POLR1A: variants seen among roughly 807,000 people sequenced by gnomAD.
POLR1A encodes the protein DNA-directed RNA polymerase I subunit RPA1.
Under a neutral mutation model 205.3 loss-of-function variants are expected in POLR1A, and 84 were observed. The observed-to-expected ratio is 0.41, with a 90% CI of 0.34 to 0.49. POLR1A has a LOEUF of 0.49. Ranked by LOEUF, POLR1A falls within the 20% of genes least tolerant of loss-of-function variation. POLR1A has a pLI of 0.22. For synonymous variants in POLR1A, 799 were observed against 863.7 expected, an observed-to-expected ratio of 0.93 and a Z score of 1.31; for missense variants, 1,645 against 2,204.5, an observed-to-expected ratio of 0.75 and a Z score of 5.08.
intron 6 of POLR1A, among the ~76,000 whole-genome samples, chr2:86,087,992 C>A (rs1442803686): frequency 1.3e-5 from 2 of 152,016 alleles, no homozygotes; most frequent in African/African-American, 2.4e-5. Context: ...AGAATAAAAA[C>A]CAAAAAACAT....
intron 14 of POLR1A, 135 bp from the exon 15 acceptor site, chr2:86,054,424 C>A (rs1451130610): frequency 5.0e-6 from 4 of 792,372 alleles, no homozygotes; most frequent in Non-Finnish European, 7.9e-6. Flanking sequence ...TTCTGATGAT[C>A]TCAGGTATGG....
At chr2:86,092,970 A>C (rs920666355) in intron 3 of POLR1A, among the ~76,000 whole-genome samples, 1 of 152,240 alleles carries the variant, frequency 6.6e-6, no homozygotes, top group Non-Finnish European at 1.5e-5. Flanking sequence ...AATATTAAGA[A>C]ATCAAATCCA....
At chr2:86,077,593 T>C (rs1673311484) in intron 11 of POLR1A, among the ~76,000 whole-genome samples, 1 of 152,168 alleles carries the variant, frequency 6.6e-6, no homozygotes, top group African/African-American at 2.4e-5. Flanking sequence ...GTCAGCTCCC[T>C]GGTGCTGACT....
At chr2:86,053,292 G>A (rs1368401791) in intron 15 of POLR1A, among the ~76,000 whole-genome samples, 2 of 151,428 alleles carry the variant, frequency 1.3e-5, no homozygotes, top group African/African-American at 4.9e-5. Flanking sequence ...CTCTCTCCAT[G>A]TGTTTTATAT....
intron 19 of POLR1A, among the ~76,000 whole-genome samples, chr2:86,046,907 T>C (rs1043374688): frequency 6.6e-6 from 1 of 152,224 alleles, no homozygotes; most frequent in Non-Finnish European, 1.5e-5. Flanking sequence ...TTTATCTATA[T>C]AACGTGAATA....
chr2:86,031,592 T>TC lies in POLR1A; in HGVS notation c.4315dup (p.Glu1439GlyfsTer5). On this transcript the variant is annotated frameshift_variant, in exon 30 of 34. Transcript: ENST00000263857. LOFTEE classifies it high-confidence loss of function. ...CTCCTGCATGTCTTCATCGTCGTTC[T>TC]CCTCGCCCTCCCTCTCCTCCTCTTC... The TC allele has an allele frequency of 6.2e-7, 1 of 1,613,598 alleles. No individual in the cohort carries two copies. The highest frequency in any genetic ancestry group is 8.5e-7 in the Non-Finnish European group (1 of 1,179,572).
rs1272423047 is a variant in POLR1A, at chr2:86,032,310, C to A, written c.4234G>T (p.Ala1412Ser). 6.2e-7 allele frequency: 1 copy of A among 1,613,632 alleles called. No individual in the cohort carries two copies. Among genetic ancestry groups the A allele is most frequent in the South Asian group, 1.1e-5 (1 of 91,066 alleles). The change falls in exon 29 of 34, where the codon GCC (alanine) becomes TCC (serine). Residue 1412 changes from alanine (A) to serine (S), a missense_variant. Around this residue, in one of 16 missense-constraint regions of POLR1A, gnomAD observed 394 missense variants for 468.5 expected, o/e 0.84. Coordinates refer to ENST00000263857, the MANE Select transcript of POLR1A (RefSeq NM_015425.6). ...TTCTCCTTGCGTTTGGCATCAGAGG[C>A]ATCGGCGTCCCCCTCCTCAGCTTCA... ...DAEAEEGDAD[A>S]SDAKRKEKQE...
chr2:86,083,228 T>C (rs1673437391), intron 6 of POLR1A, 60 bp from the exon 7 acceptor site: 1 of 1,176,906 alleles, frequency 8.5e-7, no homozygotes, highest in Non-Finnish European at 1.3e-6. Context: ...CTTTCTGCAA[T>C]GGGATTTATC....
chr2:86,100,182 T>G lies in POLR1A; in HGVS notation c.78-10A>C. 6.2e-7 allele frequency: 1 copy of G among 1,605,582 alleles called. No individual in the cohort carries two copies. Among genetic ancestry groups the G allele is most frequent in the Non-Finnish European group, 8.5e-7 (1 of 1,172,202 alleles). ...TTTAACACTTAATTTCCTAAGGGGATAAAAAAGACCAAGAGGAAAGCTAAA... is the reference window on the plus strand; with the variant it reads ...TTTAACACTTAATTTCCTAAGGGGAGAAAAAAGACCAAGAGGAAAGCTAAA... On this transcript the variant is annotated splice_polypyrimidine_tract_variant and intron_variant, in intron 1 of 33. Transcript: ENST00000263857.
At position 86,045,836 on chromosome 2, in the gene POLR1A, C is replaced by A. The variant is rs1672701010; in HGVS notation, c.2734-67G>T. On this transcript the variant is annotated intron_variant, in intron 19 of 33. Coordinates refer to ENST00000263857, the MANE Select transcript of POLR1A (RefSeq NM_015425.6). ...TGTGTTTAACAGTGCTTTGTCCCAG[C>A]AGGGAAAGTATAATCTGACCTTGAA... The A allele has an allele frequency of 3.5e-6, 5 of 1,409,204 alleles. No homozygotes were observed. The South Asian group carries it at 6.2e-5, about 17-fold the overall frequency. The allele number at this position is 1,409,204 out of a possible 1,614,324, so 87.3% of individuals were successfully genotyped here.
At chr2:86,042,937 C>T (rs376626639) in intron 23 of POLR1A, 37 bp downstream of exon 23, 25 of 1,462,224 alleles carry the variant, frequency 1.7e-5, no homozygotes, top group Non-Finnish European at 2.1e-5. Context: ...TAAGCCTGGA[C>T]GTGCTGGACA....
At chr2:86,043,818 C>T (rs1672660486) in intron 22 of POLR1A, among the ~76,000 whole-genome samples, 1 of 152,138 alleles carries the variant, frequency 6.6e-6, no homozygotes, top group Admixed American at 6.6e-5. Context: ...ATGCCTACTT[C>T]CCTGGGTTGC....
At chr2:86,048,030 C>G (rs1217900487) in intron 18 of POLR1A, among the ~76,000 whole-genome samples, 4 of 152,200 alleles carry the variant, frequency 2.6e-5, no homozygotes, top group Admixed American at 1.3e-4. Context: ...AGGAAAGCTC[C>G]TGTCAACAAA....
rs1236246900 is a variant in POLR1A at position 86,021,925 on chromosome 2, A to G, written c.*5498T>C. ...ATCAGGGGGCAGTGTGCACATGCACATGAAGCCTGCTGGGTACCTCAACCC... is the reference window on the plus strand; with the variant it reads ...ATCAGGGGGCAGTGTGCACATGCACGTGAAGCCTGCTGGGTACCTCAACCC... On this transcript the variant is annotated 3_prime_UTR_variant, in exon 34 of 34. Transcript: ENST00000263857. 2 of 152,232 alleles carry G rather than the reference A, an allele frequency of 1.3e-5. No homozygotes were observed. Among genetic ancestry groups the G allele is most frequent in the Admixed American group, 6.5e-5 (1 of 15,286 alleles). 9.4% of individuals were successfully genotyped at this position (152,232 alleles called of 1,614,324 possible). A position where few individuals can be genotyped will look rare whatever the true frequency, so the allele number is the denominator to read the frequency against.
intron 9 of POLR1A, among the ~76,000 whole-genome samples, chr2:86,079,164 T>C (rs1317119864): frequency 6.6e-6 from 1 of 152,192 alleles, no homozygotes; most frequent in African/African-American, 2.4e-5. Context: ...GGGCTTGTCA[T>C]CAAACCTGAG....
At chr2:86,062,567 T>G (rs915927320) in intron 14 of POLR1A, among the ~76,000 whole-genome samples, 2 of 151,524 alleles carry the variant, frequency 1.3e-5, no homozygotes, top group African/African-American at 4.9e-5. Context: ...TAAGCAGAAC[T>G]TAAGGGGGAA....
chr2:86,104,739 GC>G (rs1181205152), intron 1 of POLR1A, among the ~76,000 whole-genome samples: 3 of 152,212 alleles, frequency 2.0e-5, no homozygotes, highest in East Asian at 1.9e-4. Context: ...GAGCCACCGT[GC>G]CCGGCCATGT....
intron 13 of POLR1A, among the ~76,000 whole-genome samples, chr2:86,069,368 C>T (rs151309013): frequency 2.4e-4 from 36 of 152,298 alleles, no homozygotes; most frequent in East Asian, 1.2e-3. Flanking sequence ...CCTCTTTCCC[C>T]GCTCTGTCCC....
chr2:86,105,758 T>C lies in POLR1A; in HGVS notation c.19A>G (p.Met7Val). 6.2e-7 allele frequency: 1 copy of C among 1,614,142 alleles called. No individual in the cohort carries two copies. The change falls in exon 1 of 34, where the codon ATG (methionine) becomes GTG (valine). Residue 7 changes from methionine to valine, a missense_variant. By Grantham distance (21) the Met-to-Val change is conservative (BLOSUM62 1). This residue lies in a region of POLR1A where 330 missense variants were observed against 375.6 expected (regional missense o/e 0.88). Coordinates refer to ENST00000263857, the MANE Select transcript of POLR1A (RefSeq NM_015425.6). MLISKN[M>V]PWRRLQGISF... ...ATGCCCTGCAGCCGCCGCCAGGGCA[T>C]GTTCTTGGAGATCAACATCCTCCAG...
Sources: gnomAD v4.1 joint callset for allele counts (sites outside exome capture counted in the v4.1 genomes callset) on GRCh38, gnomAD v4.1.1 for gene constraint, gnomAD v4.1.1 regional missense constraint, MANE v1.5 for transcripts, NCBI Gene and HGNC (gene_info 2026-07-23, HGNC 2026-07-21) for gene names.